The following F11 variants were observed in gnomAD, a reference collection of about 807,000 sequenced individuals.
F11 encodes coagualtion factor XI.
F11 carries 78 observed loss-of-function variants against 76.5 expected under a neutral mutation model. That is an observed-to-expected ratio of 1.02 (90% CI 0.85 to 1.23). The LOEUF (loss-of-function observed/expected upper bound fraction) is 1.23, where lower values mean the gene tolerates loss of function less well. Ranked by LOEUF, F11 falls within the 50% of genes most tolerant of loss-of-function variation. The pLI, the probability that F11 is intolerant of heterozygous loss-of-function variation, is 0.00. For missense variants in F11, 742 were observed against 771.4 expected (o/e 0.96, Z 0.45); for synonymous variants, 278 against 276.3 (o/e 1.01, Z -0.06).
intron 3 of F11, 48 bp downstream of exon 3, chr4:186,271,819 A>T (rs1022727793): frequency 1.9e-6 from 3 of 1,586,590 alleles, no homozygotes; most frequent in Non-Finnish European, 2.6e-6. Context: ...TTAAAGGGAG[A>T]TTGCTATTCT....
At chr4:186,270,662 C>G (rs1346644832) in intron 2 of F11, among the ~76,000 whole-genome samples, 2 of 151,838 alleles carry the variant, frequency 1.3e-5, no homozygotes, top group African/African-American at 2.4e-5. Context: ...CACACACACA[C>G]ACACACAGAA....
intron 11 of F11, among the ~76,000 whole-genome samples, chr4:186,285,010 T>C (rs181851472): frequency 6.6e-6 from 1 of 152,306 alleles, no homozygotes; most frequent in East Asian, 1.9e-4. Flanking sequence ...GATTCCTTAC[T>C]TAGGTCACTT....
Position 186,285,689 on chromosome 4 carries a change from T to C in F11, c.1356T>C (p.Ser452=), listed in dbSNP as rs1741152390. The C allele has an allele frequency of 1.2e-6, 2 of 1,614,130 alleles. No homozygotes were observed. The highest frequency in any genetic ancestry group is 1.7e-6 in the Non-Finnish European group (2 of 1,180,016). ...LRVYSGILNQ[S]EIKEDTSFFG... The stretch of plus-strand genomic sequence containing the variant: ...TCTACAGTGGCATTTTAAATCAATC[T>C]GAAATAAAAGAGGACACATCTTTCT... The change falls in exon 12 of 15, where the codon TCT becomes TCC. Residue 452 remains serine (S), a synonymous_variant. Coordinates refer to ENST00000403665, the MANE Select transcript of F11 (RefSeq NM_000128.4).
Position 186,273,179 on chromosome 4 carries a change from T to C in F11, c.325+2T>C. 1 of 1,607,002 alleles carries C rather than the reference T, an allele frequency of 6.2e-7. No individual in the cohort carries two copies. Among genetic ancestry groups the C allele is most frequent in the Non-Finnish European group, 8.5e-7 (1 of 1,173,558 alleles). On this transcript the variant is annotated splice_donor_variant, in intron 4 of 14. Transcript: ENST00000403665. LOFTEE classifies it high-confidence loss of function. ...AGCAATGCTCACACCAAATAAGCGG[T>C]AAGATATGTTCTCAGAATCAACAAA...
chr4:186,278,423 G>A (rs1206895042), intron 7 of F11, among the ~76,000 whole-genome samples: 1 of 152,146 alleles, frequency 6.6e-6, no homozygotes, highest in African/African-American at 2.4e-5. Context: ...TGCTTATTAT[G>A]TATCAGGCAT....
chr4:186,274,993 G>C (rs1033331536), intron 5 of F11: 1 of 251,562 alleles, frequency 4.0e-6, no homozygotes, highest in Admixed American at 4.5e-5. Context: ...TGAACAGAAA[G>C]CAAACAAAGC....
chr4:186,283,024 G>T (rs529621869), intron 10 of F11: 15 of 985,314 alleles, frequency 1.5e-5, no homozygotes, highest in Non-Finnish European at 1.8e-5. Flanking sequence ...AGCTCAGGAC[G>T]CGGAGCCTTC....
rs188837960 is a variant in F11, at chr4:186,276,745, C to A, written c.755+355C>A. Among the ~76,000 whole-genome samples, 28 of 151,924 alleles carry A rather than the reference C, an allele frequency of 1.8e-4. No individual in the cohort carries two copies. In the East Asian group the frequency reaches 4.5e-3, roughly 24 times the overall value. Reference sequence around the variant, plus strand: ...GGGACTACAGGCATGGGACACCACGCCCAGTAATTTTTTTTGTATTTTTAG... The same window carrying A: ...GGGACTACAGGCATGGGACACCACGACCAGTAATTTTTTTTGTATTTTTAG... On this transcript the variant is annotated intron_variant, in intron 7 of 14. Transcript: ENST00000403665.
In F11 at chr4:186,288,521, G is replaced by GGGC; in HGVS notation, c.1787_1789dup (p.Gly596dup). On this transcript the variant is annotated inframe_insertion, in exon 15 of 15. Transcript: ENST00000403665. ...GGCATCTGGTAGGCATCACGAGCTG[G>GGGC]GGCGAAGGCTGTGCTCAAAGGGAGC... 1 of 1,614,174 alleles carries GGGC rather than the reference G, an allele frequency of 6.2e-7. No individual in the cohort carries two copies. Among genetic ancestry groups the GGGC allele is most frequent in the Non-Finnish European group, 8.5e-7 (1 of 1,180,036 alleles).
intron 5 of F11, among the ~76,000 whole-genome samples, chr4:186,275,340 C>T (rs1740281588): frequency 6.6e-6 from 1 of 151,530 alleles, no homozygotes; most frequent in Admixed American, 6.6e-5. Context: ...AAAAAGAATA[C>T]AAAAATTAGC....
Position 186,267,201 on chromosome 4 carries a change from G to A in F11, c.55+10G>A, listed in dbSNP as rs1281613187. On this transcript the variant is annotated intron_variant, in intron 2 of 14. Transcript: ENST00000403665. ...ACTTCAGTTTCTGGTGGTAAGTAGA[G>A]TGTTATCTTAACTATGGGCTGGGAG... 1 of 1,510,394 alleles carries A rather than the reference G, an allele frequency of 6.6e-7. No individual in the cohort carries two copies. Among genetic ancestry groups the A allele is most frequent in the Non-Finnish European group, 9.2e-7 (1 of 1,085,496 alleles). The allele number at this position is 1,510,394 out of a possible 1,614,324, so 93.6% of individuals were successfully genotyped here. A position where few individuals can be genotyped will look rare whatever the true frequency, so the allele number is the denominator to read the frequency against.
In F11 at chr4:186,279,357, G is replaced by T. The variant is rs141741978; in HGVS notation, c.756-655G>T. Among the ~76,000 whole-genome samples, 248 of 152,088 alleles carry T rather than the reference G, an allele frequency of 1.6e-3. 1 individual carries two copies. Among genetic ancestry groups the T allele is most frequent in the African/African-American group, 5.7e-3 (236 of 41,474 alleles). On this transcript the variant is annotated intron_variant, in intron 7 of 14. Coordinates refer to ENST00000403665, the MANE Select transcript of F11 (RefSeq NM_000128.4). ...AGATCGCGACACTGCACTCCAGCCT[G>T]GGTGACAAGAGAAAGACTATGTCTC...
chr4:186,288,561 A>G lies in F11; in HGVS notation c.1825A>G (p.Thr609Ala). 2 of 1,614,166 alleles carry G rather than the reference A, an allele frequency of 1.2e-6. No homozygotes were observed. The highest frequency in any genetic ancestry group is 1.7e-6 in the Non-Finnish European group (2 of 1,180,036). The change falls in exon 15 of 15, where the codon ACC becomes GCC. Residue 609 changes from threonine to alanine, a missense_variant. Coordinates refer to ENST00000403665, the MANE Select transcript of F11 (RefSeq NM_000128.4). Reference protein sequence around the residue: ...CAQRERPGVYTNVVEYVDWIL... With the variant: ...CAQRERPGVYANVVEYVDWIL... Reference sequence around the variant, plus strand: ...TCAAAGGGAGCGGCCAGGTGTTTACACCAACGTGGTCGAGTACGTGGACTG... The same window carrying G: ...TCAAAGGGAGCGGCCAGGTGTTTACGCCAACGTGGTCGAGTACGTGGACTG...
chr4:186,280,856 CTTTTTT>C, intron 10 of F11, among the ~76,000 whole-genome samples: 1 of 108,176 alleles, frequency 9.2e-6, no homozygotes, highest in South Asian at 3.2e-4. Flanking sequence ...TTCTTTCTTT[CTTTTTT>C]TTTTTTTTTT....
intron 7 of F11, among the ~76,000 whole-genome samples, chr4:186,279,405 A>G (rs1391392763): frequency 6.6e-6 from 1 of 152,152 alleles, no homozygotes; most frequent in Non-Finnish European, 1.5e-5. Flanking sequence ...AATTTTAAAT[A>G]AAACTAAAAA....
intron 2 of F11, among the ~76,000 whole-genome samples, chr4:186,270,434 C>T (rs1056402998): frequency 2.0e-5 from 3 of 152,056 alleles, no homozygotes; most frequent in Admixed American, 6.6e-5. Context: ...GGTGTAAGTG[C>T]AGATTTCTTA....
At chr4:186,267,569 A>C (rs1580060797) in intron 2 of F11, among the ~76,000 whole-genome samples, 1 of 152,362 alleles carries the variant, frequency 6.6e-6, no homozygotes, top group East Asian at 1.9e-4. Context: ...TTGTACTGAA[A>C]AATGTTATGT....
chr4:186,288,350 GC>G, intron 14 of F11, 102 bp from the exon 15 acceptor site: 3 of 1,450,454 alleles, frequency 2.1e-6, no homozygotes, highest in Non-Finnish European at 2.9e-6. Context: ...ATATTAAGGG[GC>G]CAAGACAACA....
intron 12 of F11, 34 bp from the exon 13 acceptor site, chr4:186,286,381 G>A (rs2289253): frequency 1.6e-4 from 243 of 1,539,800 alleles, no homozygotes; most frequent in East Asian, 2.5e-4. Context: ...TATATTTTGC[G>A]TCTCATATTT....
Sources: gnomAD v4.1 joint callset for allele counts (sites outside exome capture counted in the v4.1 genomes callset) on GRCh38, gnomAD v4.1.1 for gene constraint, MANE v1.5 for transcripts, NCBI Gene and HGNC (gene_info 2026-07-23, HGNC 2026-07-21) for gene names.